Variants in JUP observed in about 807,000 individuals in gnomAD.
The protein encoded by JUP is junction plakoglobin.
Under a neutral mutation model 71.1 loss-of-function variants are expected in JUP, and 28 were observed. The observed-to-expected ratio is 0.39, with a 90% CI of 0.29 to 0.54. The LOEUF (loss-of-function observed/expected upper bound fraction) is 0.54, where lower values mean the gene tolerates loss of function less well. Among genes scored for constraint, JUP ranks in the 20% least tolerant of loss-of-function variants. The pLI is 0.62. For missense variants in JUP, 869 were observed against 1,030.1 expected (o/e 0.84, Z 2.14); for synonymous variants, 401 against 438.9 (o/e 0.91, Z 1.08).
At chr17:41,777,302 A>G (rs576062103) in intron 1 of JUP, among the ~76,000 whole-genome samples, 79 of 151,246 alleles carry the variant, frequency 5.2e-4, no homozygotes, top group Non-Finnish European at 1.0e-4. Context: ...CATTCCCCAC[A>G]TAGCAGTCCC....
chr17:41,767,352 G>T, intron 5 of JUP, 27 bp downstream of exon 5: 3 of 1,604,434 alleles, frequency 1.9e-6, no homozygotes, highest in South Asian at 2.2e-5. Context: ...TGGGCTTCAG[G>T]CCTCGGGAGA....
At chr17:41,780,013 C>T (rs1435521503) in intron 1 of JUP, among the ~76,000 whole-genome samples, 2 of 152,052 alleles carry the variant, frequency 1.3e-5, no homozygotes, top group Admixed American at 6.6e-5. Context: ...GAGGAGTCTC[C>T]CCTAAATAAG....
At chr17:41,785,308 G>A (rs983845824) in intron 1 of JUP, among the ~76,000 whole-genome samples, 5 of 152,174 alleles carry the variant, frequency 3.3e-5, no homozygotes, top group African/African-American at 1.2e-4. Context: ...CCTCAGTTTG[G>A]CCCAGCCCTG....
intron 13 of JUP, 73 bp from the exon 14 acceptor site, chr17:41,755,968 A>G: frequency 6.5e-7 from 1 of 1,547,800 alleles, no homozygotes; most frequent in Non-Finnish European, 8.8e-7. Flanking sequence ...CACAGCCTTC[A>G]GCTGCCTCCT....
chr17:41,756,582 G>T (rs534240625), intron 12 of JUP, among the ~76,000 whole-genome samples: 4 of 148,926 alleles, frequency 2.7e-5, no homozygotes, highest in Non-Finnish European at 5.9e-5. Context: ...CTGGGCGACA[G>T]GAGTGAGACT....
At position 41,755,555 on chromosome 17, in the gene JUP, C is replaced by T. The variant is rs535698024; in HGVS notation, c.*189G>A. 102 of 531,126 alleles carry T rather than the reference C, an allele frequency of 1.9e-4. No individual in the cohort carries two copies. The highest frequency in any genetic ancestry group is 1.7e-3 in the African/African-American group (90 of 52,046). 32.9% of individuals were successfully genotyped at this position (531,126 alleles called of 1,614,324 possible). ...AAGGGGCCAGCAGGAATAGGCCTCCCCATCCCCACCAAAGACACAAGAAGA... is the reference window on the plus strand; with the variant it reads ...AAGGGGCCAGCAGGAATAGGCCTCCTCATCCCCACCAAAGACACAAGAAGA... On this transcript the variant is annotated 3_prime_UTR_variant, in exon 14 of 14. Coordinates refer to ENST00000393931, the MANE Select transcript of JUP (RefSeq NM_002230.4).
chr17:41,781,939 TGTA>T (rs373831097), intron 1 of JUP, among the ~76,000 whole-genome samples: 1 of 152,168 alleles, frequency 6.6e-6, no homozygotes, highest in African/African-American at 2.4e-5. Flanking sequence ...ATGCCCTCTT[TGTA>T]GTAGTCAGTG....
chr17:41,779,473 G>A (rs1297846727), intron 1 of JUP, among the ~76,000 whole-genome samples: 2 of 149,652 alleles, frequency 1.3e-5, no homozygotes, highest in African/African-American at 4.9e-5. Flanking sequence ...AACTACAGGT[G>A]CCTGCCACAA....
chr17:41,763,254 G>A lies in JUP; in HGVS notation c.1226C>T (p.Thr409Ile), dbSNP rs1567810188. Residue 409 changes from threonine (T) to isoleucine (I), a missense_variant, in exon 8 of 14, where the codon ACC becomes ATC. Coordinates refer to ENST00000393931, the MANE Select transcript of JUP (RefSeq NM_002230.4). Reference protein sequence around the residue: ...QLSVDDVNVLTCATGTLSNLT... With the variant: ...QLSVDDVNVLICATGTLSNLT... ...GTTGGAGAGTGTGCCCGTGGCACAG[G>A]TGAGGACGTTGACGTCATCCACACT... The A allele has an allele frequency of 1.2e-6, 2 of 1,614,180 alleles. No homozygotes were observed. The highest frequency in any genetic ancestry group is 1.7e-6 in the Non-Finnish European group (2 of 1,179,996).
At position 41,769,564 on chromosome 17, in the gene JUP, C is replaced by T; in HGVS notation, c.322G>A (p.Gly108Arg). The change falls in exon 3 of 14, where the codon GGG becomes AGG. Residue 108 changes from glycine to arginine, a missense_variant. Physicochemically the swap from Gly to Arg is moderately radical, Grantham distance 125 (BLOSUM62 -2). Transcript: ENST00000393931. ...SSLLLATQVE[G>R]QATNLQRLAE... The stretch of plus-strand genomic sequence containing the variant: ...AGTCGCTGCAGGTTGGTGGCCTGCC[C>T]CTCCACCTGGGTGGCCAGCAGAAGC... 1 of 1,608,034 alleles carries T rather than the reference C, an allele frequency of 6.2e-7. No homozygotes were observed. Among genetic ancestry groups the T allele is most frequent in the Non-Finnish European group, 8.5e-7 (1 of 1,177,960 alleles).
intron 1 of JUP, among the ~76,000 whole-genome samples, chr17:41,780,080 T>G (rs568817849): frequency 6.6e-6 from 1 of 152,254 alleles, no homozygotes; most frequent in East Asian, 1.9e-4. Flanking sequence ...TGCTACTGTC[T>G]CCATGGTAGG....
intron 1 of JUP, among the ~76,000 whole-genome samples, chr17:41,781,094 T>C (rs1355993182): frequency 6.8e-6 from 1 of 148,042 alleles, no homozygotes; most frequent in Admixed American, 6.8e-5. Flanking sequence ...GGCAGGAGAA[T>C]GGTGTGAACC....
chr17:41,767,249 T>G, intron 5 of JUP, 130 bp downstream of exon 5: 1 of 727,302 alleles, frequency 1.4e-6, no homozygotes, highest in Non-Finnish European at 2.4e-6. Flanking sequence ...TTCAGTCGCA[T>G]GATGAAGCAT....
chr17:41,771,069 G>A (rs112579791), intron 2 of JUP, among the ~76,000 whole-genome samples: 11 of 152,098 alleles, frequency 7.2e-5, no homozygotes, highest in African/African-American at 2.2e-4. Context: ...TCACTCTGTC[G>A]CCCAGGCTGG....
intron 5 of JUP, among the ~76,000 whole-genome samples, chr17:41,765,386 C>G (rs1476420060): frequency 1.3e-5 from 2 of 150,828 alleles, no homozygotes; most frequent in Admixed American, 6.6e-5. Flanking sequence ...GAGTCTCGCT[C>G]TGTCACCCAG....
chr17:41,755,688 G>C lies in JUP; in HGVS notation c.*56C>G, dbSNP rs920561067. On this transcript the variant is annotated 3_prime_UTR_variant, in exon 14 of 14. Coordinates refer to ENST00000393931, the MANE Select transcript of JUP (RefSeq NM_002230.4). ...GATGGGAGGGCCTCCAACAGAAGGA[G>C]GTTCTAGAGAGGAGGAAAAGCCTGC... The C allele has an allele frequency of 6.8e-7, 1 of 1,467,194 alleles. No homozygotes were observed. Among genetic ancestry groups the C allele is most frequent in the Non-Finnish European group, 9.1e-7 (1 of 1,101,822 alleles). 90.9% of individuals were successfully genotyped at this position (1,467,194 alleles called of 1,614,324 possible).
rs374831874 is a variant in JUP, at chr17:41,763,028, G to A, written c.1452C>T (p.Ala484=). ...NSVRLNYGIP[A]IVKLLNQPNQ... ...TGGGCTGGTTGAGCAGCTTCACGATGGCTGGGATGCCATAGTTGAGACGCA... is the reference window on the plus strand; with the variant it reads ...TGGGCTGGTTGAGCAGCTTCACGATAGCTGGGATGCCATAGTTGAGACGCA... Residue 484 remains alanine, a synonymous_variant, in exon 8 of 14, where the codon GCC becomes GCT. Transcript: ENST00000393931. The A allele has an allele frequency of 5.6e-6, 9 of 1,614,046 alleles. No homozygotes were observed. The African/African-American group carries it at 1.1e-4, about 19-fold the overall frequency.
At chr17:41,781,452 A>G (rs4479305) in intron 1 of JUP, among the ~76,000 whole-genome samples, 107,744 of 152,102 alleles carry the variant, frequency 0.71, 38,809 homozygotes, top group Middle Eastern at 0.87. Context: ...TGAGCAAAGG[A>G]GAGTGGTCCA....
rs782145510 is a variant in JUP at position 41,771,849 on chromosome 17, C to A, written c.6G>T (p.Glu2Asp). Residue 2 changes from glutamate to aspartate, a missense_variant, in exon 2 of 14, where the codon GAG becomes GAT. Physicochemically the swap from Glu to Asp is conservative, Grantham distance 45. Coordinates refer to ENST00000393931, the MANE Select transcript of JUP (RefSeq NM_002230.4). ...TAGGCTGCTCCATCAGGTTCATCAC[C>A]TCCATCGTGGCTACTGGGGGCACAA... Reference protein sequence around the residue: MEVMNLMEQPIK... With the variant: MDVMNLMEQPIK... 6.2e-7 allele frequency: 1 copy of A among 1,611,284 alleles called. No individual in the cohort carries two copies. Among genetic ancestry groups the A allele is most frequent in the East Asian group, 2.2e-5 (1 of 44,808 alleles).
Sources: allele counts gnomAD v4.1 joint callset (sites outside exome capture counted in the v4.1 genomes callset), GRCh38; gene constraint gnomAD v4.1.1; transcripts MANE v1.5; gene names NCBI Gene and HGNC (gene_info 2026-07-23, HGNC 2026-07-21).